Variants in GMDS observed in about 807,000 individuals in gnomAD.
The protein encoded by GMDS is GDP-mannose 4,6-dehydratase.
A neutral mutation model predicts 49.9 loss-of-function variants in GMDS; 20 were observed. The ratio of observed to expected loss-of-function variants is 0.40; its 90% CI spans 0.28 to 0.58. GMDS has a LOEUF of 0.58. Among genes scored for constraint, GMDS ranks in the 20% least tolerant of loss-of-function variants. The pLI, the probability that GMDS is intolerant of heterozygous loss-of-function variation, is 0.42. For synonymous variants in GMDS, 177 were observed against 178.6 expected (o/e 0.99, Z 0.07); for missense variants, 362 against 481.4 (o/e 0.75, Z 2.32).
At chr6:1,859,405 A>G (rs1463366692) in intron 7 of GMDS, among the ~76,000 whole-genome samples, 1 of 152,196 alleles carries the variant, frequency 6.6e-6, no homozygotes, top group African/African-American at 2.4e-5. Context: ...GTTGGATGAA[A>G]AAAAGTAATA....
chr6:2,065,606 G>A (rs1382022966), intron 4 of GMDS, among the ~76,000 whole-genome samples: 6 of 152,146 alleles, frequency 3.9e-5, no homozygotes, highest in South Asian at 2.1e-4. Flanking sequence ...ACCAAGGCTC[G>A]AGAACTACGT....
chr6:1,732,333 A>C (rs913112159), intron 8 of GMDS, among the ~76,000 whole-genome samples: 11 of 152,182 alleles, frequency 7.2e-5, no homozygotes, highest in Non-Finnish European at 1.3e-4. Flanking sequence ...CTCAACAAAT[A>C]AACAAATAAA....
chr6:2,196,386 A>G (rs1433101848), intron 1 of GMDS, among the ~76,000 whole-genome samples: 1 of 152,264 alleles, frequency 6.6e-6, no homozygotes, highest in Non-Finnish European at 1.5e-5. Flanking sequence ...ACCAAAATGT[A>G]GTAATAGTGT....
At chr6:1,708,755 T>G (rs78519783) in intron 9 of GMDS, among the ~76,000 whole-genome samples, 4,747 of 152,312 alleles carry the variant, frequency 0.031, 233 homozygotes, top group East Asian at 0.2. Context: ...TTCCTCTGAG[T>G]ACTGCCATCT....
chr6:1,781,084 G>C (rs1173335322), intron 7 of GMDS, among the ~76,000 whole-genome samples: 1 of 151,928 alleles, frequency 6.6e-6, no homozygotes, highest in Non-Finnish European at 1.5e-5. Flanking sequence ...GGGAAAACAC[G>C]ATTGCAAGAC....
chr6:2,242,631 T>G (rs1781663437), intron 1 of GMDS, among the ~76,000 whole-genome samples: 1 of 152,196 alleles, frequency 6.6e-6, no homozygotes, highest in Admixed American at 6.5e-5. Context: ...GACTATTTAT[T>G]TCTCTCTGTC....
intron 7 of GMDS, among the ~76,000 whole-genome samples, chr6:1,869,307 C>T (rs1227023688): frequency 1.3e-5 from 2 of 152,038 alleles, no homozygotes; most frequent in African/African-American, 4.8e-5. Context: ...AATAGCGTTC[C>T]TAAATAAAAA....
intron 4 of GMDS, among the ~76,000 whole-genome samples, chr6:2,105,766 G>GTT: frequency 6.6e-6 from 1 of 152,126 alleles, no homozygotes; most frequent in East Asian, 1.9e-4. Context: ...TCAGGAACAG[G>GTT]TTTTTTTACC....
intron 8 of GMDS, among the ~76,000 whole-genome samples, chr6:1,727,222 T>C (rs533875494): frequency 1.3e-5 from 2 of 152,316 alleles, no homozygotes; most frequent in African/African-American, 2.4e-5. Flanking sequence ...ACATCCAAGG[T>C]TGACAGCAGT....
chr6:2,125,464 C>T (rs1775372321), intron 1 of GMDS, among the ~76,000 whole-genome samples: 1 of 152,020 alleles, frequency 6.6e-6, no homozygotes, highest in Non-Finnish European at 1.5e-5. Context: ...CTTGGTGGCT[C>T]GTGCCTATGG....
chr6:1,759,479 A>C (rs1033538591), intron 7 of GMDS, among the ~76,000 whole-genome samples: 1 of 152,148 alleles, frequency 6.6e-6, no homozygotes, highest in African/African-American at 2.4e-5. Context: ...TGTAGAATAC[A>C]TTTTCTTGTT....
intron 4 of GMDS, among the ~76,000 whole-genome samples, chr6:1,978,439 G>A (rs1021441932): frequency 3.3e-5 from 5 of 152,172 alleles, no homozygotes; most frequent in Non-Finnish European, 5.9e-5. Context: ...AGTCCTAGCC[G>A]ACTGAGGCAA....
chr6:2,174,060 T>C (rs1456007530), intron 1 of GMDS, among the ~76,000 whole-genome samples: 1 of 152,206 alleles, frequency 6.6e-6, no homozygotes, highest in African/African-American at 2.4e-5. Flanking sequence ...GACCAAGATA[T>C]AGATGAATTA....
chr6:1,691,502 C>T (rs553489915), intron 9 of GMDS, among the ~76,000 whole-genome samples: 5 of 152,066 alleles, frequency 3.3e-5, no homozygotes, highest in East Asian at 1.9e-4. Flanking sequence ...ACATGGTCCC[C>T]GGAATTTAAA....
chr6:1,625,625 T>C (rs1378483206), intron 9 of GMDS: 2 of 152,154 alleles, frequency 1.3e-5, no homozygotes, highest in Non-Finnish European at 2.9e-5. Context: ...TTCTTACAGC[T>C]CTGTGAAGAC....
intron 1 of GMDS, among the ~76,000 whole-genome samples, chr6:2,145,952 C>G (rs1254305248): frequency 3.3e-5 from 5 of 152,320 alleles, no homozygotes; most frequent in African/African-American, 1.2e-4. Context: ...GTTCCTGGAA[C>G]CAATCGCTCA....
intron 7 of GMDS, among the ~76,000 whole-genome samples, chr6:1,749,017 A>C (rs1767621909): frequency 6.6e-6 from 1 of 152,302 alleles, no homozygotes; most frequent in African/African-American, 2.4e-5. Flanking sequence ...TCCCTGAAGA[A>C]TCTTAGGAGG....
intron 7 of GMDS, among the ~76,000 whole-genome samples, chr6:1,906,636 A>T (rs3800126): frequency 0.038 from 5,775 of 152,258 alleles, 276 homozygotes; most frequent in East Asian, 0.17. Flanking sequence ...TGTGAAGCCC[A>T]AAATGCTGGC....
intron 1 of GMDS, among the ~76,000 whole-genome samples, chr6:2,185,822 T>C (rs1273201009): frequency 6.6e-6 from 1 of 152,168 alleles, no homozygotes; most frequent in African/African-American, 2.4e-5. Context: ...CTCGTCTATG[T>C]AGTAAGGCTG....
Sources: gnomAD v4.1 joint callset for allele counts (sites outside exome capture counted in the v4.1 genomes callset) on GRCh38, gnomAD v4.1.1 for gene constraint, MANE v1.5 for transcripts, NCBI Gene and HGNC (gene_info 2026-07-23, HGNC 2026-07-21) for gene names.